METTL24: variants seen among roughly 807,000 people sequenced by gnomAD.
The protein encoded by METTL24 is probable methyltransferase-like protein 24.
METTL24 carries 29 observed loss-of-function variants against 32.7 expected under a neutral mutation model. That is an observed-to-expected ratio of 0.89 (90% confidence interval 0.66 to 1.21). The LOEUF is 1.21. Ranked by LOEUF, METTL24 falls within the 50% of genes most tolerant of loss-of-function variation. The probability of loss-of-function intolerance (pLI) is 0.00; values close to 1 mark genes in which losing one functional copy is unlikely to be tolerated. For missense variants in METTL24, 439 were observed against 468.1 expected, an observed-to-expected ratio of 0.94 and a Z score of 0.57; for synonymous variants, 163 against 179.5, an observed-to-expected ratio of 0.91 and a Z score of 0.73.
At chr6:110,255,601 T>A (rs1778368301) in intron 4 of METTL24, among the ~76,000 whole-genome samples, 3 of 152,186 alleles carry the variant, frequency 2.0e-5, no homozygotes. Context: ...TGTCTTCATT[T>A]CTACCCTACT....
chr6:110,305,134 G>A (rs1289076479), intron 3 of METTL24, among the ~76,000 whole-genome samples: 1 of 152,122 alleles, frequency 6.6e-6, no homozygotes, highest in East Asian at 1.9e-4. Context: ...TACCAGGCCT[G>A]CCCTACAAGA....
At chr6:110,353,014 G>A (rs1262779169) in intron 1 of METTL24, among the ~76,000 whole-genome samples, 2 of 152,150 alleles carry the variant, frequency 1.3e-5, no homozygotes, top group South Asian at 2.1e-4. Flanking sequence ...AAAAACAATC[G>A]AGCCTCCATT....
chr6:110,268,690 C>T (rs1267697706), intron 4 of METTL24, among the ~76,000 whole-genome samples: 2 of 152,106 alleles, frequency 1.3e-5, no homozygotes, highest in African/African-American at 4.8e-5. Context: ...ATTGCCATTC[C>T]TATTAACTTC....
intron 1 of METTL24, among the ~76,000 whole-genome samples, chr6:110,354,515 A>G (rs1301208762): frequency 1.3e-5 from 2 of 152,258 alleles, no homozygotes; most frequent in African/African-American, 2.4e-5. Flanking sequence ...CCAAGAACCT[A>G]AGAATATTGT....
chr6:110,334,679 C>T (rs1772177209), intron 1 of METTL24, among the ~76,000 whole-genome samples: 1 of 152,220 alleles, frequency 6.6e-6, no homozygotes, highest in African/African-American at 2.4e-5. Context: ...GAGGCTATCA[C>T]ATCCCACTGA....
chr6:110,356,195 G>A (rs1772693466), intron 1 of METTL24, among the ~76,000 whole-genome samples: 1 of 152,274 alleles, frequency 6.6e-6, no homozygotes, highest in South Asian at 2.1e-4. Context: ...TGTAATTCCA[G>A]CACTTTGGGG....
chr6:110,247,190 G>A (rs1778183146), intron 4 of METTL24, among the ~76,000 whole-genome samples: 1 of 152,170 alleles, frequency 6.6e-6, no homozygotes, highest in Admixed American at 6.6e-5. Context: ...ACCATGCTAA[G>A]GGCTTCCCCT....
intron 1 of METTL24, among the ~76,000 whole-genome samples, chr6:110,329,589 A>G (rs1772078011): frequency 6.6e-6 from 1 of 152,114 alleles, no homozygotes; most frequent in South Asian, 2.1e-4. Flanking sequence ...GGCTGTGAGC[A>G]CTGCCGTTAC....
At position 110,246,061 on chromosome 6, in the gene METTL24, A is replaced by C. The variant is rs767276107; in HGVS notation, c.986T>G (p.Phe329Cys). 1 of 1,614,058 alleles carries C rather than the reference A, an allele frequency of 6.2e-7. No individual in the cohort carries two copies. The highest frequency in any genetic ancestry group is 8.5e-7 in the Non-Finnish European group (1 of 1,180,034). ...SLLKELEQKDFRLFHSYKDLS... is the reference protein window; with the variant it reads ...SLLKELEQKDCRLFHSYKDLS... The stretch of plus-strand genomic sequence containing the variant: ...GTCTTTGTAACTGTGAAAAAGCCTG[A>C]AATCCTTTTGTTCTAACTCTTTGAG... Residue 329 changes from phenylalanine to cysteine, a missense_variant, in exon 5 of 5, where the codon TTC becomes TGC. Physicochemically the swap from Phe to Cys is radical, Grantham distance 205. Transcript: ENST00000338882.
chr6:110,302,551 A>ATG (rs1172772756), intron 3 of METTL24, among the ~76,000 whole-genome samples: 2 of 109,806 alleles, frequency 1.8e-5, no homozygotes, highest in East Asian at 2.5e-4. Flanking sequence ...ACACACACAT[A>ATG]TGTGTATATA....
At chr6:110,335,795 C>T (rs1248594021) in intron 1 of METTL24, among the ~76,000 whole-genome samples, 3 of 152,094 alleles carry the variant, frequency 2.0e-5, no homozygotes, top group East Asian at 3.9e-4. Flanking sequence ...TTGAAGAAAA[C>T]GAAGTTCAGA....
At chr6:110,305,333 GAATTA>G (rs1771608021) in intron 3 of METTL24, among the ~76,000 whole-genome samples, 1 of 151,888 alleles carries the variant, frequency 6.6e-6, no homozygotes, top group Non-Finnish European at 1.5e-5. Flanking sequence ...AAATAGGATC[GAATTA>G]AATTAAAGAG....
intron 3 of METTL24, among the ~76,000 whole-genome samples, chr6:110,304,198 A>G (rs1383929487): frequency 1.3e-5 from 2 of 152,234 alleles, no homozygotes; most frequent in Non-Finnish European, 2.9e-5. Flanking sequence ...AGATAAATCC[A>G]TGAAGATGAG....
At chr6:110,313,335 T>C (rs1445255407) in intron 3 of METTL24, among the ~76,000 whole-genome samples, 1 of 152,230 alleles carries the variant, frequency 6.6e-6, no homozygotes, top group East Asian at 1.9e-4. Context: ...AAATATCACA[T>C]GTACCCCATT....
rs1772289838 is a variant in METTL24, at chr6:110,338,767, T to C, written c.319-15895A>G. On this transcript the variant is annotated intron_variant, in intron 1 of 4. Coordinates refer to ENST00000338882, the MANE Select transcript of METTL24 (RefSeq NM_001123364.3). ...GTTCTCTACTTGAAATCATTAAGGT[T>C]AGGTTTTGTCCAAATCATTTAACAG... Among the ~76,000 whole-genome samples, 5 of 152,220 alleles carry C rather than the reference T, an allele frequency of 3.3e-5. No individual in the cohort carries two copies. In the South Asian group the frequency reaches 8.3e-4, roughly 25 times the overall value.
At chr6:110,315,050 G>C (rs1771793352) in intron 3 of METTL24, among the ~76,000 whole-genome samples, 1 of 151,584 alleles carries the variant, frequency 6.6e-6, no homozygotes, top group South Asian at 2.1e-4. Flanking sequence ...GATGCTCTTA[G>C]TCTAGCTGGA....
chr6:110,248,084 T>C (rs1778202637), intron 4 of METTL24, among the ~76,000 whole-genome samples: 1 of 151,886 alleles, frequency 6.6e-6, no homozygotes, highest in Non-Finnish European at 1.5e-5. Context: ...CCCTCTCTCT[T>C]GTTCCCTCTC....
Position 110,358,154 on chromosome 6 carries a change from G to T in METTL24, c.119C>A (p.Ser40Tyr). 5.9e-6 allele frequency: 7 copies of T among 1,191,178 alleles called. No individual in the cohort carries two copies. Among genetic ancestry groups the T allele is most frequent in the Middle Eastern group, 3.4e-4 (1 of 2,952 alleles). 73.8% of individuals were successfully genotyped at this position (1,191,178 alleles called of 1,614,324 possible). ...GCCCGGCGGGGCGCTGCGGGTGGGG[G>T]ACCCGGGCCCGGCGCGCCGCAGCTC... ...CAELRRAGPG[S>Y]PTRSAPPGPA... The change falls in exon 1 of 5, where the codon TCC becomes TAC. Residue 40 changes from serine to tyrosine, a missense_variant. Physicochemically the swap from Ser to Tyr is moderately radical, Grantham distance 144. Transcript: ENST00000338882.
At chr6:110,348,136 T>G (rs1209638700) in intron 1 of METTL24, among the ~76,000 whole-genome samples, 1 of 152,240 alleles carries the variant, frequency 6.6e-6, no homozygotes, top group African/African-American at 2.4e-5. Context: ...TTGACTGAAC[T>G]CTTTCCATGT....
Sources: gnomAD v4.1 joint callset for allele counts (sites outside exome capture counted in the v4.1 genomes callset) on GRCh38, gnomAD v4.1.1 for gene constraint, MANE v1.5 for transcripts, NCBI Gene and HGNC (gene_info 2026-07-23, HGNC 2026-07-21) for gene names.